The following EYS variants were observed in gnomAD, a reference collection of about 807,000 sequenced individuals.
EYS encodes protein eyes shut homolog.
A neutral mutation model predicts 282.1 loss-of-function variants in EYS; 250 were observed. That is an observed-to-expected ratio of 0.89 (90% CI 0.80 to 0.98). EYS has a LOEUF of 0.98. Ranked by LOEUF, EYS falls within the 50% of genes least tolerant of loss-of-function variation. The pLI is 0.00. For synonymous variants in EYS, 1,355 were observed against 1,282.9 expected, an observed-to-expected ratio of 1.06 and a Z score of -1.20; for missense variants, 4,016 against 3,709.0, an observed-to-expected ratio of 1.08 and a Z score of -2.15.
chr6:63,964,194 T>C (rs143086256), intron 35 of EYS, among the ~76,000 whole-genome samples: 73 of 152,304 alleles, frequency 4.8e-4, no homozygotes, highest in African/African-American at 1.7e-3. Flanking sequence ...TGAACTTATG[T>C]TCACATCAGA....
At chr6:64,430,160 C>A (rs1290731182) in intron 28 of EYS, among the ~76,000 whole-genome samples, 3 of 152,120 alleles carry the variant, frequency 2.0e-5, no homozygotes, top group Admixed American at 6.6e-5. Flanking sequence ...TGGATGCTTA[C>A]TCTAGTGATA....
At chr6:64,757,031 C>A (rs202149550) in intron 22 of EYS, among the ~76,000 whole-genome samples, 1 of 151,940 alleles carries the variant, frequency 6.6e-6, no homozygotes, top group East Asian at 1.9e-4. Flanking sequence ...TACGTACAGA[C>A]CCCAAACTAA....
chr6:63,937,582 T>C (rs1765110306), intron 35 of EYS, among the ~76,000 whole-genome samples: 1 of 151,236 alleles, frequency 6.6e-6, no homozygotes, highest in Admixed American at 6.6e-5. Flanking sequence ...GGGGTTTCAC[T>C]GTGTTAGCCA....
chr6:63,883,261 C>T (rs1411137934), intron 35 of EYS, among the ~76,000 whole-genome samples: 3 of 152,208 alleles, frequency 2.0e-5, no homozygotes, highest in African/African-American at 7.2e-5. Context: ...TCCACTCTCT[C>T]ACTGTGCTCT....
At chr6:63,896,532 G>A (rs1314828252) in intron 35 of EYS, among the ~76,000 whole-genome samples, 3 of 152,092 alleles carry the variant, frequency 2.0e-5, no homozygotes, top group Non-Finnish European at 4.4e-5. Flanking sequence ...CGGTACATGG[G>A]TTACAATTGA....
intron 31 of EYS, among the ~76,000 whole-genome samples, chr6:64,093,981 T>G (rs1052212543): frequency 2.6e-5 from 4 of 152,232 alleles, no homozygotes; most frequent in Admixed American, 2.0e-4. Context: ...TTGAATTTTG[T>G]CAAAGACCTT....
intron 22 of EYS, chr6:64,731,125 A>G (rs1771949038): frequency 6.6e-6 from 1 of 152,208 alleles, no homozygotes. Context: ...TACAAAAATT[A>G]ACTCAAGATA....
chr6:64,417,693 C>T (rs1304650694), intron 28 of EYS, among the ~76,000 whole-genome samples: 10 of 84,950 alleles, frequency 1.2e-4, no homozygotes, highest in Non-Finnish European at 1.8e-4. Flanking sequence ...TTTTTTTTGA[C>T]AGCGTCTCAC....
At chr6:64,872,877 G>A (rs1583245618) in intron 19 of EYS, among the ~76,000 whole-genome samples, 1 of 151,916 alleles carries the variant, frequency 6.6e-6, no homozygotes, top group Non-Finnish European at 1.5e-5. Context: ...GGAACTTCAG[G>A]AGTGCAGTCA....
At chr6:64,532,719 A>G (rs1344686930) in intron 26 of EYS, among the ~76,000 whole-genome samples, 1 of 152,150 alleles carries the variant, frequency 6.6e-6, no homozygotes, top group Non-Finnish European at 1.5e-5. Context: ...AAAAATAAAT[A>G]AATAAATTAA....
intron 13 of EYS, among the ~76,000 whole-genome samples, chr6:65,011,491 T>C (rs560564388): frequency 3.2e-4 from 48 of 152,296 alleles, no homozygotes; most frequent in African/African-American, 9.9e-4. Context: ...AGCTAGCCCA[T>C]GCTCTGAAGT....
chr6:63,891,277 C>A (rs75910641), intron 35 of EYS, among the ~76,000 whole-genome samples: 3 of 152,184 alleles, frequency 2.0e-5, no homozygotes, highest in Non-Finnish European at 2.9e-5. Flanking sequence ...GGCAGAGACA[C>A]AGCAAAAAAA....
chr6:64,672,387 C>CTTGATGACT (rs1236874099), intron 22 of EYS, among the ~76,000 whole-genome samples: 15 of 152,246 alleles, frequency 9.9e-5, no homozygotes, highest in Non-Finnish European at 1.5e-4. Flanking sequence ...CTCTATATAT[C>CTTGATGACT]TTGATGACTT....
At chr6:65,230,406 A>G (rs938315446) in intron 12 of EYS, among the ~76,000 whole-genome samples, 3 of 151,958 alleles carry the variant, frequency 2.0e-5, no homozygotes, top group African/African-American at 2.4e-5. Context: ...ACAATTACCC[A>G]TGTATAATAC....
At chr6:65,094,306 G>A (rs1462796995) in intron 12 of EYS, among the ~76,000 whole-genome samples, 1 of 127,722 alleles carries the variant, frequency 7.8e-6, no homozygotes, top group Non-Finnish European at 1.6e-5. Context: ...TAATGAATGG[G>A]ATATCTTAAC....
intron 35 of EYS, among the ~76,000 whole-genome samples, chr6:63,900,407 C>T (rs1482249906): frequency 6.6e-6 from 1 of 152,118 alleles, no homozygotes; most frequent in Non-Finnish European, 1.5e-5. Context: ...TCAAATTACA[C>T]TTAATTTCTC....
chr6:64,950,792 CATATACATATATATATATATATATAT>C (rs1395831101), intron 14 of EYS, among the ~76,000 whole-genome samples: 11 of 60,914 alleles, frequency 1.8e-4, no homozygotes, highest in South Asian at 5.6e-4. Context: ...TACACATATA[CATATACATATATATATATATATATAT>C]ATATATATAT....
chr6:64,183,547 C>A (rs1056288169), intron 31 of EYS, among the ~76,000 whole-genome samples: 1 of 152,058 alleles, frequency 6.6e-6, no homozygotes, highest in Admixed American at 6.6e-5. Context: ...TATTAGCAGA[C>A]AATTCAGCTG....
intron 19 of EYS, among the ~76,000 whole-genome samples, chr6:64,876,498 A>G (rs1053267330): frequency 5.9e-5 from 9 of 152,152 alleles, no homozygotes; most frequent in Non-Finnish European, 1.3e-4. Context: ...TGTGCCTTTA[A>G]TGTCCTAGGC....
Sources: allele counts gnomAD v4.1 joint callset (sites outside exome capture counted in the v4.1 genomes callset), GRCh38; gene constraint gnomAD v4.1.1; transcripts MANE v1.5; gene names NCBI Gene and HGNC (gene_info 2026-07-23, HGNC 2026-07-21).